NTMT1: variants seen among roughly 807,000 people sequenced by gnomAD.
The protein encoded by NTMT1 is N-terminal RCC1 methyltransferase.
A neutral mutation model predicts 17.5 loss-of-function variants in NTMT1; 8 were observed. That is an observed-to-expected ratio of 0.46 (90% CI 0.27 to 0.82). The LOEUF (loss-of-function observed/expected upper bound fraction) is 0.82. Among genes scored for constraint, NTMT1 ranks in the 40% least tolerant of loss-of-function variants. The pLI is 0.15. For synonymous variants in NTMT1, 128 were observed against 126.8 expected, an observed-to-expected ratio of 1.01 and a Z score of -0.06; for missense variants, 221 against 303.5, an observed-to-expected ratio of 0.73 and a Z score of 2.02.
chr9:129,613,482 G>T lies in NTMT1; in HGVS notation c.-55+4304G>T. ...AGGAGCTGGCCAGGGTCTCCTCCTT[G>T]GCCCCAGGGTACAGGGCTTTGGGCA... On this transcript the variant is annotated intron_variant, in intron 1 of 3. Coordinates refer to the NTMT1 transcript ENST00000372486. This position sits in a 1 kb window ranked among gnomAD's most constrained non-coding sequence, Gnocchi z 6.2. The T allele has an allele frequency of 2.5e-6, 4 of 1,614,094 alleles. No homozygotes were observed. In the South Asian group the frequency reaches 4.4e-5, roughly 18 times the overall value.
chr9:129,627,466 A>G (rs1830955472), intron 1 of NTMT1, among the ~76,000 whole-genome samples: 1 of 152,232 alleles, frequency 6.6e-6, no homozygotes, highest in African/African-American at 2.4e-5. Context: ...TCAAGAGAGA[A>G]TATGTGCCCG....
chr9:129,625,413 T>G (rs1028123377), upstream of NTMT1, among the ~76,000 whole-genome samples: 7 of 152,184 alleles, frequency 4.6e-5, no homozygotes, highest in Non-Finnish European at 8.8e-5. Context: ...TTTCCCTTTT[T>G]ACTCAAAGCC....
intron 1 of NTMT1, among the ~76,000 whole-genome samples, chr9:129,619,104 G>A (rs1220562087): frequency 3.3e-5 from 5 of 152,160 alleles, no homozygotes; most frequent in Admixed American, 3.3e-4. Flanking sequence ...GGGTGGGTGG[G>A]TGAGTGAATG....
chr9:129,617,966 G>A (rs1227944587), intron 1 of NTMT1, among the ~76,000 whole-genome samples: 2 of 152,212 alleles, frequency 1.3e-5, no homozygotes, highest in Non-Finnish European at 2.9e-5. Context: ...TTATAGGCAT[G>A]AGCCACCATG....
upstream of NTMT1, among the ~76,000 whole-genome samples, chr9:129,624,160 A>G (rs544819976): frequency 1.2e-3 from 176 of 152,248 alleles, 1 homozygote; most frequent in Admixed American, 1.8e-3. Context: ...AGGAACTACT[A>G]TGTGCTAGGC....
chr9:129,629,258 G>A (rs115050636), intron 1 of NTMT1, among the ~76,000 whole-genome samples: 1 of 152,110 alleles, frequency 6.6e-6, no homozygotes, highest in African/African-American at 2.4e-5. Flanking sequence ...TGGTCCTTAC[G>A]CCATCAGACC....
At chr9:129,629,698 C>T (rs1831062944) in intron 1 of NTMT1, among the ~76,000 whole-genome samples, 1 of 152,190 alleles carries the variant, frequency 6.6e-6, no homozygotes, top group Non-Finnish European at 1.5e-5. Context: ...CCTGTTACCC[C>T]AAAGGGCTCC....
rs1830172618 is a variant in NTMT1 at position 129,613,212 on chromosome 9, G to A, written c.-55+4034G>A. The A allele has an allele frequency of 1.2e-6, 2 of 1,613,156 alleles. No individual in the cohort carries two copies. Among genetic ancestry groups the A allele is most frequent in the African/African-American group, 1.3e-5 (1 of 75,020 alleles). ...AGAAGGGCAGGCTGCTGTTCATGGAGGTGTCCTCAGAAAGGTAGCCCTGTG... is the reference window on the plus strand; with the variant it reads ...AGAAGGGCAGGCTGCTGTTCATGGAAGTGTCCTCAGAAAGGTAGCCCTGTG... On this transcript the variant is annotated intron_variant, in intron 1 of 3. Coordinates refer to the NTMT1 transcript ENST00000372486. The surrounding 1 kb of genome is among the most constrained non-coding windows in gnomAD (Gnocchi z 6.2).
intron 1 of NTMT1, among the ~76,000 whole-genome samples, chr9:129,612,801 G>T (rs999250536): frequency 6.6e-6 from 1 of 152,156 alleles, no homozygotes; most frequent in Admixed American, 6.5e-5. Context: ...CTGCACTCCA[G>T]CCTGGGCGAC....
chr9:129,618,868 G>GTTTTTTTTTTT (rs34259203), intron 1 of NTMT1, among the ~76,000 whole-genome samples: 2 of 128,280 alleles, frequency 1.6e-5, no homozygotes, highest in Admixed American at 7.9e-5. Flanking sequence ...AATTTTTTGT[G>GTTTTTTTTTTT]TTTTTTTTTT....
At chr9:129,635,184 T>G (rs1434371353) in intron 3 of NTMT1, 24 bp from the exon 4 acceptor site, 2 of 1,595,864 alleles carry the variant, frequency 1.3e-6, no homozygotes, top group East Asian at 4.5e-5. Flanking sequence ...GGTGCCCTGG[T>G]AACCTTGCCT....
intron 1 of NTMT1, among the ~76,000 whole-genome samples, chr9:129,628,117 A>G (rs370096053): frequency 6.6e-6 from 1 of 152,258 alleles, no homozygotes; most frequent in East Asian, 1.9e-4. Flanking sequence ...GCCCCCTCCC[A>G]GGCCCTTCAG....
At position 129,613,588 on chromosome 9, in the gene NTMT1, C is replaced by T; in HGVS notation, c.-55+4410C>T. 6.2e-7 allele frequency: 1 copy of T among 1,614,176 alleles called. No homozygotes were observed. Among genetic ancestry groups the T allele is most frequent in the Non-Finnish European group, 8.5e-7 (1 of 1,180,016 alleles). Reference sequence around the variant, plus strand: ...GGCGGCCTTCTGGTTCACAATGACGCTCTGTTGGACTGCAGGAAAGAGGGC... The same window carrying T: ...GGCGGCCTTCTGGTTCACAATGACGTTCTGTTGGACTGCAGGAAAGAGGGC... On this transcript the variant is annotated intron_variant, in intron 1 of 3. Coordinates refer to the NTMT1 transcript ENST00000372486. The surrounding 1 kb of genome is among the most constrained non-coding windows in gnomAD (Gnocchi z 6.2).
chr9:129,619,726 G>A lies in NTMT1; in HGVS notation c.-55+10548G>A, dbSNP rs376839853. On this transcript the variant is annotated intron_variant, in intron 1 of 3. Coordinates refer to the NTMT1 transcript ENST00000372486. ...GGCAACCCCGTCCCCACCAAGAAGCGGACTGACGCTTACCACAGGTCTGGG... is the reference window on the plus strand; with the variant it reads ...GGCAACCCCGTCCCCACCAAGAAGCAGACTGACGCTTACCACAGGTCTGGG... 4.2e-5 allele frequency: 67 copies of A among 1,613,794 alleles called. No individual in the cohort carries two copies. In the African/African-American group the frequency reaches 7.1e-4, roughly 17 times the overall value.
rs1279963367 is a variant in NTMT1, at chr9:129,613,029, A to G, written c.-55+3851A>G. 6.3e-7 allele frequency: 1 copy of G among 1,582,046 alleles called. No individual in the cohort carries two copies. The highest frequency in any genetic ancestry group is 8.6e-7 in the Non-Finnish European group (1 of 1,165,086). On this transcript the variant is annotated intron_variant, in intron 1 of 3. Coordinates refer to the NTMT1 transcript ENST00000372486. The surrounding 1 kb of genome is among the most constrained non-coding windows in gnomAD (Gnocchi z 6.2). Reference sequence around the variant, plus strand: ...CACTCCCAGCCCCAGCCACTCCACCAAACAGGGCTGCTCCCGGAGCCAGCT... The same window carrying G: ...CACTCCCAGCCCCAGCCACTCCACCGAACAGGGCTGCTCCCGGAGCCAGCT...
intron 1 of NTMT1, chr9:129,619,641 A>G (rs761472313): frequency 1.9e-6 from 3 of 1,613,894 alleles, no homozygotes; most frequent in Admixed American, 1.7e-5. Context: ...TGGCCCCTTA[A>G]AGACAAACAG....
chr9:129,615,714 C>A, intron 1 of NTMT1: 1 of 1,449,202 alleles, frequency 6.9e-7, no homozygotes, highest in South Asian at 1.4e-5. Flanking sequence ...CGCACCAGCC[C>A]CAGACTCGCT....
At chr9:129,622,983 C>T (rs1830780047), upstream of NTMT1, among the ~76,000 whole-genome samples, 1 of 151,140 alleles carries the variant, frequency 6.6e-6, no homozygotes, top group Admixed American at 6.6e-5. Flanking sequence ...GAGCCGAGAT[C>T]ACGCCACTGC....
chr9:129,633,842 G>C (rs1258953476), intron 2 of NTMT1, among the ~76,000 whole-genome samples: 1 of 151,804 alleles, frequency 6.6e-6, no homozygotes, highest in East Asian at 1.9e-4. Context: ...AACTTTCAAA[G>C]ATAAAGGAAT....
Sources: allele counts gnomAD v4.1 joint callset (sites outside exome capture counted in the v4.1 genomes callset), GRCh38; gene constraint gnomAD v4.1.1; non-coding constraint Gnocchi (gnomAD v3.1); transcripts MANE v1.5; gene names NCBI Gene and HGNC (gene_info 2026-07-23, HGNC 2026-07-21).